Variants in FAM47A observed in about 807,000 individuals in gnomAD.
FAM47A encodes the protein protein FAM47A.
In FAM47A, 1 loss-of-function variant was observed where a neutral mutation model predicts 2.6. The ratio of observed to expected loss-of-function variants is 0.39; its 90% CI spans 0.14 to 1.83. The LOEUF (loss-of-function observed/expected upper bound fraction) is 1.83, where lower values mean the gene tolerates loss of function less well. Ranked by LOEUF, FAM47A falls within the 40% of genes most tolerant of loss-of-function variation. FAM47A has a pLI of 0.32. For synonymous variants in FAM47A, 278 were observed against 270.1 expected (o/e 1.03, Z -0.29); for missense variants, 657 against 673.1 (o/e 0.98, Z 0.26).
At position 34,130,804 on chromosome X, in the gene FAM47A, T is replaced by C. The variant is rs201826329; in HGVS notation, c.1475A>G (p.His492Arg). The change falls in exon 1 of 1, where the codon CAC (histidine) becomes CGC (arginine). Residue 492 changes from histidine (H) to arginine (R), a missense_variant. Transcript: ENST00000346193. ...CCGACGAGTCTTGGGAGGCTGCGAGTGGAGACTGGACCTCCGACGTGTCTT... is the reference window on the plus strand; with the variant it reads ...CCGACGAGTCTTGGGAGGCTGCGAGCGGAGACTGGACCTCCGACGTGTCTT... ...HPKTRRRSSL[H>R]SQPPKTRRTS... 1,340 of 1,174,935 alleles carry C rather than the reference T, an allele frequency of 1.1e-3. 5 individuals are homozygous for C. Among genetic ancestry groups the C allele is most frequent in the African/African-American group, 3.6e-3 (193 of 52,935 alleles).
chrX:34,131,453 C>G lies in FAM47A; in HGVS notation c.826G>C (p.Ala276Pro). 8.3e-7 allele frequency: 1 copy of G among 1,209,968 alleles called. No homozygotes were observed. The highest frequency in any genetic ancestry group is 1.1e-6 in the Non-Finnish European group (1 of 895,110). ...KLDSERKLED[A>P]RAPCEGREKT... ...TCCCGGCCCTCACAAGGAGCCCGTGCGTCTTCCAGCTTCCTCTCAGAATCC... is the reference window on the plus strand; with the variant it reads ...TCCCGGCCCTCACAAGGAGCCCGTGGGTCTTCCAGCTTCCTCTCAGAATCC... The change falls in exon 1 of 1, where the codon GCA becomes CCA. Residue 276 changes from alanine (A) to proline (P), a missense_variant. Around this residue, in one of 3 missense-constraint regions of FAM47A, gnomAD observed 436 missense variants for 414.1 expected, o/e 1.05. Coordinates refer to ENST00000346193, the MANE Select transcript of FAM47A (RefSeq NM_203408.4).
Position 34,131,335 on chromosome X carries a change from T to C in FAM47A, c.944A>G (p.Gln315Arg). Residue 315 changes from glutamine (Q) to arginine (R), a missense_variant, in exon 1 of 1, where the codon CAG (glutamine) becomes CGG (arginine). Gln to Arg is a conservative substitution (Grantham distance 43, BLOSUM62 1). Coordinates refer to ENST00000346193, the MANE Select transcript of FAM47A (RefSeq NM_203408.4). ...PFETPLSHLRQEPPKTPVSSL... is the reference protein window; with the variant it reads ...PFETPLSHLRREPPKTPVSSL... ...GGACACCGGAGTCTTGGGAGGCTCC[T>C]GGCGGAGATGGGACAGTGGAGTCTC... 1 of 1,179,372 alleles carries C rather than the reference T, an allele frequency of 8.5e-7. No homozygotes were observed. Among genetic ancestry groups the C allele is most frequent in the East Asian group, 3.1e-5 (1 of 32,179 alleles).
At position 34,130,166 on chromosome X, in the gene FAM47A, A is replaced by G. The variant is rs1310579729; in HGVS notation, c.2113T>C (p.Trp705Arg). The G allele has an allele frequency of 4.1e-6, 5 of 1,210,237 alleles. No individual in the cohort carries two copies. The African/African-American group carries it at 8.7e-5, about 21-fold the overall frequency. ...GGTTCATCACTTCTTAGCTTTTTCCACAACTTAGGCTTGAGGTACCATGCT... is the reference window on the plus strand; with the variant it reads ...GGTTCATCACTTCTTAGCTTTTTCCGCAACTTAGGCTTGAGGTACCATGCT... ...YGAWYLKPKL[W>R]KKLRSDEPLI... Residue 705 changes from tryptophan to arginine, a missense_variant, in exon 1 of 1, where the codon TGG (tryptophan) becomes CGG (arginine). By Grantham distance (101) the Trp-to-Arg change is moderately radical. Transcript: ENST00000346193.
chrX:34,129,923 C>T lies in FAM47A; in HGVS notation c.2356G>A (p.Glu786Lys), dbSNP rs1420989340. 9.2e-6 allele frequency: 11 copies of T among 1,195,653 alleles called. No individual in the cohort carries two copies. Among genetic ancestry groups the T allele is most frequent in the South Asian group, 1.8e-5 (1 of 54,312 alleles). ...ACTGCCTAATCTTCTTCCGATGCCT[C>T]TACGATTTCTTTGTACTTGTAAAAT... ...MIFYKYKEIV[E>K]ASEED is the part of the protein sequence containing the mutation. The change falls in exon 1 of 1, where the codon GAG becomes AAG. Residue 786 changes from glutamate (E) to lysine (K), a missense_variant. By Grantham distance (56) the Glu-to-Lys change is moderately conservative (BLOSUM62 1). This residue lies in a region of FAM47A where 198 missense variants were observed against 203.4 expected (regional missense o/e 0.97). Coordinates refer to ENST00000346193, the MANE Select transcript of FAM47A (RefSeq NM_203408.4).
At position 34,132,249 on chromosome X, in the gene FAM47A, C is replaced by G. The variant is rs769778085; in HGVS notation, c.30G>C (p.Leu10=). The stretch of plus-strand genomic sequence containing the variant: ...GCTTGGAGTCCATGCCCGGGGACCT[C>G]AGCCAGTCCTGCAGCCTCTGGTCCC... MGDQRLQDW[L]RSPGMDSKPW... is the part of the protein sequence containing the mutation. Residue 10 remains leucine, a synonymous_variant, in exon 1 of 1, where the codon CTG becomes CTC. Transcript: ENST00000346193. 1.0e-5 allele frequency: 12 copies of G among 1,182,096 alleles called. No individual in the cohort carries two copies. Among genetic ancestry groups the G allele is most frequent in the South Asian group, 3.8e-5 (2 of 52,541 alleles).
rs776505728 is a variant in FAM47A, at chrX:34,132,246, C to A, written c.33G>T (p.Arg11Ser). 12 of 1,184,574 alleles carry A rather than the reference C, an allele frequency of 1.0e-5. No individual in the cohort carries two copies. Among genetic ancestry groups the A allele is most frequent in the South Asian group, 3.8e-5 (2 of 52,905 alleles). Residue 11 changes from arginine (R) to serine (S), a missense_variant, in exon 1 of 1, where the codon AGG becomes AGT. Arg to Ser is a moderately radical substitution (Grantham distance 110). Coordinates refer to ENST00000346193, the MANE Select transcript of FAM47A (RefSeq NM_203408.4). ...AGGGCTTGGAGTCCATGCCCGGGGACCTCAGCCAGTCCTGCAGCCTCTGGT... is the reference window on the plus strand; with the variant it reads ...AGGGCTTGGAGTCCATGCCCGGGGAACTCAGCCAGTCCTGCAGCCTCTGGT... MGDQRLQDWL[R>S]SPGMDSKPWY...
rs1922449406 is a variant in FAM47A at position 34,131,057 on chromosome X, C to A, written c.1222G>T (p.Val408Leu). The A allele has an allele frequency of 8.4e-6, 10 of 1,192,512 alleles. No individual in the cohort carries two copies. Among genetic ancestry groups the A allele is most frequent in the Non-Finnish European group, 1.1e-5 (10 of 886,453 alleles). The change falls in exon 1 of 1, where the codon GTG becomes TTG. Residue 408 changes from valine (V) to leucine (L), a missense_variant. By Grantham distance (32) the Val-to-Leu change is conservative. This residue lies in a region of FAM47A where 436 missense variants were observed against 414.1 expected (regional missense o/e 1.05). Transcript: ENST00000346193. ...HLHPVPPKTGVCHLRLEPPDT... is the reference protein window; with the variant it reads ...HLHPVPPKTGLCHLRLEPPDT... ...GGAGGTTCCAGGCGGAGATGGCACACTCCAGTCTTGGGAGGCACTGGGTGG... is the reference window on the plus strand; with the variant it reads ...GGAGGTTCCAGGCGGAGATGGCACAATCCAGTCTTGGGAGGCACTGGGTGG...
Position 34,130,562 on chromosome X carries a change from G to A in FAM47A, c.1717C>T (p.Pro573Ser). 2.5e-6 allele frequency: 3 copies of A among 1,211,667 alleles called. No homozygotes were observed. Among genetic ancestry groups the A allele is most frequent in the Non-Finnish European group, 3.3e-6 (3 of 895,555 alleles). Residue 573 changes from proline to serine, a missense_variant, in exon 1 of 1, where the codon CCC becomes TCC. Pro to Ser is a moderately conservative substitution (Grantham distance 74, BLOSUM62 -1). Coordinates refer to ENST00000346193, the MANE Select transcript of FAM47A (RefSeq NM_203408.4). ...APESHQFSEP[P>S]KIRASYIKEL... ...TTTATGTAGGATGCTCGAATCTTGG[G>A]AGGCTCCGAGAATTGATGGGACTCT...
rs777259451 is a variant in FAM47A, at chrX:34,131,746, T to C, written c.533A>G (p.Glu178Gly). Residue 178 changes from glutamate to glycine, a missense_variant, in exon 1 of 1, where the codon GAG (glutamate) becomes GGG (glycine). By Grantham distance (98) the Glu-to-Gly change is moderately conservative (BLOSUM62 -2). Transcript: ENST00000346193. ...TTCCCCACAGGGATGTTTACCAGGC[T>C]CAGTGGGTACCTCTGTTGTCTTCTC... ...TQEKTTEVPT[E>G]PGKHPCGEFC... 5 of 1,206,230 alleles carry C rather than the reference T, an allele frequency of 4.1e-6. No homozygotes were observed. The highest frequency in any genetic ancestry group is 5.6e-6 in the Non-Finnish European group (5 of 893,668).
At position 34,131,945 on chromosome X, in the gene FAM47A, G is replaced by T. The variant is rs1331001261; in HGVS notation, c.334C>A (p.Leu112Ile). The change falls in exon 1 of 1, where the codon CTA becomes ATA. Residue 112 changes from leucine to isoleucine, a missense_variant. Transcript: ENST00000346193. ...TGCTCTACGAACGCCTTCCGTGCTA[G>T]CTGGGCTGGAGAGAGCTTGGAAAAT... ...ALFSKLSPAQ[L>I]ARKAFVEQVE... The T allele has an allele frequency of 5.8e-6, 7 of 1,209,395 alleles. No homozygotes were observed. The highest frequency in any genetic ancestry group is 7.8e-6 in the Non-Finnish European group (7 of 895,044).
rs769496249 is a variant in FAM47A, at chrX:34,131,694, C to T, written c.585G>A (p.Pro195=). 6.6e-6 allele frequency: 8 copies of T among 1,208,493 alleles called. No individual in the cohort carries two copies. The Admixed American group carries it at 8.7e-5, about 13-fold the overall frequency. The change falls in exon 1 of 1, where the codon CCG becomes CCA. Residue 195 remains proline (P), a synonymous_variant. Transcript: ENST00000346193. ...GAGGCTCTGGGAGGAGATGGGACAC[C>T]GGAGTCTCGGGAGGCTTCAGGCAGA... ...GEFCLKPPET[P]VSHLLPEPPE...
Position 34,130,299 on chromosome X carries a change from T to C in FAM47A, c.1980A>G (p.Leu660=). The C allele has an allele frequency of 8.3e-7, 1 of 1,210,685 alleles. No homozygotes were observed. The highest frequency in any genetic ancestry group is 1.1e-6 in the Non-Finnish European group (1 of 895,183). The change falls in exon 1 of 1, where the codon CTA becomes CTG. Residue 660 remains leucine (L), a synonymous_variant. Transcript: ENST00000346193. The part of the protein sequence containing the change: ...CSSELKYSME[L]DEKDEDKFFS... ...AGAATTTGTCCTCATCCTTTTCATC[T>C]AGCTCCATGCTGTACTTCAGCTCTG...
Position 34,130,959 on chromosome X carries a change from G to C in FAM47A, c.1320C>G (p.Asp440Glu), listed in dbSNP as rs775650386. ...KVLDSGRTLK[D>E]VWDRCEARVK... ...CCCGGGCCTCACAACGATCCCATAC[G>C]TCCTTCAGCGTCCTCCCAGAATCCA... Residue 440 changes from aspartate (D) to glutamate (E), a missense_variant, in exon 1 of 1, where the codon GAC (aspartate) becomes GAG (glutamate). Transcript: ENST00000346193. 8.3e-7 allele frequency: 1 copy of C among 1,202,768 alleles called. No individual in the cohort carries two copies. The highest frequency in any genetic ancestry group is 1.1e-6 in the Non-Finnish European group (1 of 889,951).
At position 34,130,254 on chromosome X, in the gene FAM47A, C is replaced by G. The variant is rs1922411143; in HGVS notation, c.2025G>C (p.Trp675Cys). Reference sequence around the variant, plus strand: ...TCGATGGCGTGTGGAATTTCCTGCCCCAGTATTTTTCCTGTGAGAAGAATT... The same window carrying G: ...TCGATGGCGTGTGGAATTTCCTGCCGCAGTATTTTTCCTGTGAGAAGAATT... ...EDKFFSQEKY[W>C]GRKFHTPSNS... is the part of the protein sequence containing the mutation. The change falls in exon 1 of 1, where the codon TGG (tryptophan) becomes TGC (cysteine). Residue 675 changes from tryptophan to cysteine, a missense_variant. Trp to Cys is a radical substitution (Grantham distance 215, BLOSUM62 -2). Coordinates refer to ENST00000346193, the MANE Select transcript of FAM47A (RefSeq NM_203408.4). The G allele has an allele frequency of 8.3e-7, 1 of 1,210,386 alleles. No individual in the cohort carries two copies. The highest frequency in any genetic ancestry group is 2.2e-5 in the Admixed American group (1 of 45,865).
chrX:34,131,832 C>T lies in FAM47A; in HGVS notation c.447G>A (p.Val149=). The change falls in exon 1 of 1, where the codon GTG becomes GTA. Residue 149 remains valine (V), a synonymous_variant. Transcript: ENST00000346193. ...EDMPPDLLLQ[V]LKHLDPEREL... ...CCCTCTCAGGATCCAGGTGTTTCAGCACCTGTAGTAGGAGATCTGGAGGCA... is the reference window on the plus strand; with the variant it reads ...CCCTCTCAGGATCCAGGTGTTTCAGTACCTGTAGTAGGAGATCTGGAGGCA... The T allele has an allele frequency of 8.3e-7, 1 of 1,211,234 alleles. No individual in the cohort carries two copies. The highest frequency in any genetic ancestry group is 1.7e-5 in the African/African-American group (1 of 57,764).
rs763847715 is a variant in FAM47A, at chrX:34,131,661, A to G, written c.618T>C (p.Thr206=). 10 of 1,207,784 alleles carry G rather than the reference A, an allele frequency of 8.3e-6. No homozygotes were observed. The highest frequency in any genetic ancestry group is 1.1e-5 in the Non-Finnish European group (10 of 894,403). The part of the protein sequence containing the change: ...VSHLLPEPPE[T]GVSHLSPEPP... Reference sequence around the variant, plus strand: ...GCTCCGGGCTTAGATGGGACACTCCAGTCTCGGGAGGCTCTGGGAGGAGAT... The same window carrying G: ...GCTCCGGGCTTAGATGGGACACTCCGGTCTCGGGAGGCTCTGGGAGGAGAT... The change falls in exon 1 of 1, where the codon ACT becomes ACC. Residue 206 remains threonine (T), a synonymous_variant. Transcript: ENST00000346193.
chrX:34,132,140 T>A lies in FAM47A; in HGVS notation c.139A>T (p.Asn47Tyr), dbSNP rs1391532654. 27 of 1,209,233 alleles carry A rather than the reference T, an allele frequency of 2.2e-5. No individual in the cohort carries two copies. The highest frequency in any genetic ancestry group is 3.0e-5 in the Non-Finnish European group (27 of 895,043). ...RLRFPPMDTQ[N>Y]WVFVKEGMDD... ...ATGCCCTCCTTCACAAATACCCAGT[T>A]CTGGGTGTCCATGGGTGGGAACCTC... The change falls in exon 1 of 1, where the codon AAC becomes TAC. Residue 47 changes from asparagine to tyrosine, a missense_variant. By Grantham distance (143) the Asn-to-Tyr change is moderately radical. Around this residue, in one of 3 missense-constraint regions of FAM47A, gnomAD observed 436 missense variants for 414.1 expected, o/e 1.05. Transcript: ENST00000346193.
At position 34,131,149 on chromosome X, in the gene FAM47A, G is replaced by T. The variant is rs373924083; in HGVS notation, c.1130C>A (p.Ala377Glu). Residue 377 changes from alanine to glutamate, a missense_variant, in exon 1 of 1, where the codon GCG becomes GAG. This residue lies in a region of FAM47A where 436 missense variants were observed against 414.1 expected (regional missense o/e 1.05). Coordinates refer to ENST00000346193, the MANE Select transcript of FAM47A (RefSeq NM_203408.4). ...GGACACTCCAGTCTTGGAAGGCTCCGCGTGGAGACTGGACCCCCGACGAGT... is the reference window on the plus strand; with the variant it reads ...GGACACTCCAGTCTTGGAAGGCTCCTCGTGGAGACTGGACCCCCGACGAGT... ...PKTRRGSSLH[A>E]EPSKTGVSHL... 8.4e-7 allele frequency: 1 copy of T among 1,190,226 alleles called. No homozygotes were observed. The highest frequency in any genetic ancestry group is 3.0e-5 in the East Asian group (1 of 33,317).
In FAM47A at chrX:34,132,301, C is replaced by T. The variant is rs376044539; in HGVS notation, c.-23G>A. Reference sequence around the variant, plus strand: ...CATGGTGGCCCTCGCTGTGGTGCCACGTCTCCAGCTTCTGAGGTCCCAGAT... The same window carrying T: ...CATGGTGGCCCTCGCTGTGGTGCCATGTCTCCAGCTTCTGAGGTCCCAGAT... On this transcript the variant is annotated 5_prime_UTR_variant, in exon 1 of 1. It adds an upstream start codon to the 5' untranslated region. Coordinates refer to ENST00000346193, the MANE Select transcript of FAM47A (RefSeq NM_203408.4). The T allele has an allele frequency of 1.3e-5, 15 of 1,140,261 alleles. No homozygotes were observed. Among genetic ancestry groups the T allele is most frequent in the Admixed American group, 3.0e-5 (1 of 33,864 alleles). The allele number at this position is 1,140,261 out of a possible 1,213,427, so 94.0% of individuals were successfully genotyped here.
Sources: gnomAD v4.1 joint callset for allele counts on GRCh38, gnomAD v4.1.1 for gene constraint, gnomAD v4.1.1 regional missense constraint, MANE v1.5 for transcripts, NCBI Gene and HGNC (gene_info 2026-07-23, HGNC 2026-07-21) for gene names.